Variants in LRP1 observed in about 807,000 individuals in gnomAD.
LRP1 encodes the protein LDL receptor related protein 1, also known as prolow-density lipoprotein receptor-related protein 1.
LRP1 carries 51 observed loss-of-function variants against 541.5 expected under a neutral mutation model. That is an observed-to-expected ratio of 0.09 (90% CI 0.08 to 0.12). The LOEUF (loss-of-function observed/expected upper bound fraction) is 0.12, where lower values mean the gene tolerates loss of function less well. LRP1 is among the 10% of genes least tolerant of loss of function. The pLI, the probability that LRP1 is intolerant of heterozygous loss-of-function variation, is 1.00. For synonymous variants in LRP1, 2,219 were observed against 2,470.8 expected, an observed-to-expected ratio of 0.90 and a Z score of 3.02; for missense variants, 3,878 against 6,376.2, an observed-to-expected ratio of 0.61 and a Z score of 13.34.
Position 57,193,256 on chromosome 12 carries a change from G to A in LRP1, c.7636G>A (p.Gly2546Ser), listed in dbSNP as rs113379328. The change falls in exon 46 of 89, where the codon GGC becomes AGC. Residue 2546 changes from glycine (G) to serine (S), a missense_variant. Physicochemically the swap from Gly to Ser is moderately conservative, Grantham distance 56. This residue lies in a region of LRP1 where 1,100 missense variants were observed against 1,827.4 expected (regional missense o/e 0.60). Coordinates refer to ENST00000243077, the MANE Select transcript of LRP1 (RefSeq NM_002332.3). ...CATCAACTTCAGCCTGACCTGCGACGGCGTCCCCCACTGCAAGGACAAGTC... is the reference window on the plus strand; with the variant it reads ...CATCAACTTCAGCCTGACCTGCGACAGCGTCCCCCACTGCAAGGACAAGTC... ...ECINFSLTCDGVPHCKDKSDE... is the reference protein window; with the variant it reads ...ECINFSLTCDSVPHCKDKSDE... The A allele has an allele frequency of 3.3e-3, 5,385 of 1,613,896 alleles. 17 individuals carry two copies. Among genetic ancestry groups the A allele is most frequent in the South Asian group, 5.1e-3 (462 of 91,080 alleles).
Position 57,179,136 on chromosome 12 carries a change from G to T in LRP1, c.4738+115G>T, listed in dbSNP as rs1592636012. The T allele has an allele frequency of 4.2e-6, 6 of 1,432,922 alleles. No homozygotes were observed. The highest frequency in any genetic ancestry group is 2.7e-5 in the South Asian group (2 of 73,996). The allele number at this position is 1,432,922 out of a possible 1,614,324, so 88.8% of individuals were successfully genotyped here. Reference sequence around the variant, plus strand: ...GTCCCAGTCGGGAGGGTCCCGATAGGAGAGGCTCCAGAGACAGCCACTGTG... The same window carrying T: ...GTCCCAGTCGGGAGGGTCCCGATAGTAGAGGCTCCAGAGACAGCCACTGTG... On this transcript the variant is annotated intron_variant, in intron 28 of 88. Coordinates refer to ENST00000243077, the MANE Select transcript of LRP1 (RefSeq NM_002332.3). This position sits in a 1 kb window ranked among gnomAD's most constrained non-coding sequence, Gnocchi z 6.8.
intron 6 of LRP1, among the ~76,000 whole-genome samples, chr12:57,152,685 G>T (rs1362658743): frequency 1.3e-5 from 2 of 151,888 alleles, no homozygotes; most frequent in Non-Finnish European, 2.9e-5. Context: ...AAGAGTGGCT[G>T]GGCTTGGGGA....
At chr12:57,132,132 A>T (rs1382232869) in intron 1 of LRP1, 1 of 152,358 alleles carries the variant, frequency 6.6e-6, no homozygotes, top group Non-Finnish European at 1.5e-5. Flanking sequence ...TATGAGCGAT[A>T]GAGAACCTGC....
At chr12:57,190,549 G>A (rs947614437) in intron 42 of LRP1, among the ~76,000 whole-genome samples, 7 of 152,212 alleles carry the variant, frequency 4.6e-5, no homozygotes, top group Non-Finnish European at 1.0e-4. Flanking sequence ...GCAAGTAGAC[G>A]GTCACTGCCC....
intron 15 of LRP1, 119 bp downstream of exon 15, chr12:57,163,102 TAGG>T: frequency 7.3e-7 from 1 of 1,371,826 alleles, no homozygotes; most frequent in Non-Finnish European, 9.6e-7. Context: ...GAGGGGCCCT[TAGG>T]GGGCCAACAG....
chr12:57,166,446 A>G, intron 17 of LRP1: 1 of 494,588 alleles, frequency 2.0e-6, no homozygotes, highest in East Asian at 3.9e-5. Flanking sequence ...CTCTAGTCCC[A>G]GCTACTTGAG....
Position 57,204,583 on chromosome 12 carries a change from C to G in LRP1, c.11072-44C>G. On this transcript the variant is annotated intron_variant, in intron 71 of 88. Coordinates refer to ENST00000243077, the MANE Select transcript of LRP1 (RefSeq NM_002332.3). This position sits in a 1 kb window ranked among gnomAD's most constrained non-coding sequence, Gnocchi z 5.3. ...TCCCAGTGGCCAGCAACCACCCCCA[C>G]TCCCAAGACTAATTCTGGCTCTGTG... 6.2e-7 allele frequency: 1 copy of G among 1,610,888 alleles called. No individual in the cohort carries two copies. Among genetic ancestry groups the G allele is most frequent in the Non-Finnish European group, 8.5e-7 (1 of 1,177,660 alleles).
intron 18 of LRP1, 59 bp downstream of exon 18, chr12:57,167,105 A>C: frequency 1.4e-6 from 2 of 1,449,642 alleles, no homozygotes; most frequent in South Asian, 1.2e-5. Context: ...TCCTGAGAGC[A>C]TGCCAGTTGG....
At chr12:57,176,462 TCA>T (rs1465408338) in intron 24 of LRP1, among the ~76,000 whole-genome samples, 1 of 152,204 alleles carries the variant, frequency 6.6e-6, no homozygotes, top group Non-Finnish European at 1.5e-5. Context: ...CTTCCTTCAG[TCA>T]CACACAATAG....
At chr12:57,182,895 G>A (rs916115957) in intron 34 of LRP1, among the ~76,000 whole-genome samples, 9 of 152,228 alleles carry the variant, frequency 5.9e-5, no homozygotes, top group Non-Finnish European at 1.2e-4. Context: ...TGGCTTCGGA[G>A]TGACCTTAGG....
chr12:57,206,345 G>A lies in LRP1; in HGVS notation c.11591-128G>A. 2.1e-6 allele frequency: 2 copies of A among 967,620 alleles called. No individual in the cohort carries two copies. Among genetic ancestry groups the A allele is most frequent in the Non-Finnish European group, 1.6e-6 (1 of 643,938 alleles). The allele number at this position is 967,620 out of a possible 1,614,324, so 59.9% of individuals were successfully genotyped here. Reference sequence around the variant, plus strand: ...CTGCAACCCTGAGCAGGGAGGGTAAGCAGCAGCTTCTGGCCGGAGCAGATG... The same window carrying A: ...CTGCAACCCTGAGCAGGGAGGGTAAACAGCAGCTTCTGGCCGGAGCAGATG... On this transcript the variant is annotated intron_variant, in intron 75 of 88. Coordinates refer to ENST00000243077, the MANE Select transcript of LRP1 (RefSeq NM_002332.3). The surrounding 1 kb of genome is among the most constrained non-coding windows in gnomAD (Gnocchi z 4.7).
Position 57,178,617 on chromosome 12 carries a change from G to A in LRP1, c.4606+14G>A, listed in dbSNP as rs776197737. ...GCCAGCCCATGGGTAAGGGGCTCGG[G>A]GCCTCGAGCAGCCGGAAGGGAGCCA... On this transcript the variant is annotated intron_variant, in intron 27 of 88. Coordinates refer to ENST00000243077, the MANE Select transcript of LRP1 (RefSeq NM_002332.3). This position sits in a 1 kb window ranked among gnomAD's most constrained non-coding sequence, Gnocchi z 5.8. The A allele has an allele frequency of 2.5e-6, 4 of 1,613,796 alleles. No individual in the cohort carries two copies. Among genetic ancestry groups the A allele is most frequent in the Non-Finnish European group, 3.4e-6 (4 of 1,179,780 alleles).
In LRP1 at chr12:57,193,761, T is replaced by C. The variant is rs2036465997; in HGVS notation, c.7804+76T>C. On this transcript the variant is annotated intron_variant, in intron 47 of 88. Coordinates refer to ENST00000243077, the MANE Select transcript of LRP1 (RefSeq NM_002332.3). ...CCCCTCCCTGGCCAAGCTTTGTCCC[T>C]GGGCCCCGTGGTGTCTGGTTCAAGG... The C allele has an allele frequency of 3.7e-6, 6 of 1,611,314 alleles. No individual in the cohort carries two copies. In the Admixed American group the frequency reaches 8.3e-5, roughly 22 times the overall value.
rs368439726 is a variant in LRP1 at position 57,161,039 on chromosome 12, C to T, written c.2126C>T (p.Pro709Leu). 1.6e-5 allele frequency: 26 copies of T among 1,613,830 alleles called. No individual in the cohort carries two copies. The highest frequency in any genetic ancestry group is 3.3e-5 in the Admixed American group (2 of 59,986). ...CCCAATGGGCTAAGCCTGGACATCC[C>T]GGCTGGGCGCCTCTACTGGGTGGAT... is the stretch of plus-strand genomic sequence containing the variant. ...LWPNGLSLDI[P>L]AGRLYWVDAF... Residue 709 changes from proline (P) to leucine (L), a missense_variant, in exon 13 of 89, where the codon CCG (proline) becomes CTG (leucine). Pro to Leu is a moderately conservative substitution (Grantham distance 98). This residue lies in a region of LRP1 where 496 missense variants were observed against 861.0 expected (regional missense o/e 0.58). Coordinates refer to ENST00000243077, the MANE Select transcript of LRP1 (RefSeq NM_002332.3).
chr12:57,186,526 G>C (rs1170729028), intron 41 of LRP1, among the ~76,000 whole-genome samples: 7 of 152,214 alleles, frequency 4.6e-5, no homozygotes. Context: ...AGACCTGCCA[G>C]GCACCGAACT....
Position 57,197,714 on chromosome 12 carries a change from GT to G in LRP1, c.9282+54del, listed in dbSNP as rs1393947464. 5 of 1,598,088 alleles carry G rather than the reference GT, an allele frequency of 3.1e-6. No individual in the cohort carries two copies. The Admixed American group carries it at 8.7e-5, about 28-fold the overall frequency. On this transcript the variant is annotated intron_variant, in intron 58 of 88. Coordinates refer to ENST00000243077, the MANE Select transcript of LRP1 (RefSeq NM_002332.3). This position sits in a 1 kb window ranked among gnomAD's most constrained non-coding sequence, Gnocchi z 4.5. ...CAACACTGGCCCGCCTCAGATGACT[GT>G]TTTCAGATCGTCTCTCCTTCCCGCC...
At chr12:57,136,092 C>T (rs1032552304) in intron 1 of LRP1, among the ~76,000 whole-genome samples, 5 of 152,236 alleles carry the variant, frequency 3.3e-5, no homozygotes, top group South Asian at 2.1e-4. Context: ...TCAGGGGAAG[C>T]GGACGGTTCT....
At chr12:57,190,676 C>T in intron 42 of LRP1, 129 bp from the exon 43 acceptor site, 3 of 727,552 alleles carry the variant, frequency 4.1e-6, no homozygotes, top group Non-Finnish European at 7.1e-6. Context: ...GCACTGCTGG[C>T]CTCTATGGCT....
At chr12:57,160,206 T>G (rs1249981360) in intron 12 of LRP1, among the ~76,000 whole-genome samples, 1 of 152,156 alleles carries the variant, frequency 6.6e-6, no homozygotes, top group Non-Finnish European at 1.5e-5. Context: ...AATCTGATCC[T>G]GTCACTCCCA....
Sources: allele counts gnomAD v4.1 joint callset (sites outside exome capture counted in the v4.1 genomes callset), GRCh38; gene constraint gnomAD v4.1.1; regional missense constraint gnomAD v4.1.1; non-coding constraint Gnocchi (gnomAD v3.1); transcripts MANE v1.5; gene names NCBI Gene and HGNC (gene_info 2026-07-23, HGNC 2026-07-21).